HS3ST5: variants seen among roughly 807,000 people sequenced by gnomAD.
HS3ST5 encodes the protein heparan sulfate-glucosamine 3-sulfotransferase 5, also known as heparan sulfate glucosamine 3-O-sulfotransferase 5.
In HS3ST5, 10 loss-of-function variants were observed where a neutral mutation model predicts 25.4. That is an observed-to-expected ratio of 0.39 (90% CI 0.24 to 0.67). The LOEUF (loss-of-function observed/expected upper bound fraction) is 0.67. HS3ST5 is among the 30% of genes least tolerant of loss of function. The probability of loss-of-function intolerance (pLI) is 0.44; values close to 1 mark genes in which losing one functional copy is unlikely to be tolerated. For synonymous variants in HS3ST5, 170 were observed against 162.4 expected, an observed-to-expected ratio of 1.05 and a Z score of -0.36; for missense variants, 324 against 420.7, an observed-to-expected ratio of 0.77 and a Z score of 2.01.
chr6:114,062,985 G>C (rs991160104), intron 3 of HS3ST5, 108 bp from the exon 4 acceptor site: 15 of 610,596 alleles, frequency 2.5e-5, no homozygotes, highest in Non-Finnish European at 2.6e-5. Context: ...ACAAAGAGCA[G>C]ATCCCATACC....
intron 3 of HS3ST5, among the ~76,000 whole-genome samples, chr6:114,149,402 TA>T (rs1267601065): frequency 2.0e-5 from 3 of 152,084 alleles, no homozygotes; most frequent in African/African-American, 2.4e-5. Flanking sequence ...TATGCAGCCA[TA>T]AAAAAGGATG....
chr6:114,288,015 G>A (rs1236059710), intron 1 of HS3ST5, among the ~76,000 whole-genome samples: 1 of 151,900 alleles, frequency 6.6e-6, no homozygotes, highest in Non-Finnish European at 1.5e-5. Context: ...ATATCCACTC[G>A]CATATACGCT....
chr6:114,255,812 T>C (rs1287921810), intron 1 of HS3ST5, among the ~76,000 whole-genome samples: 2 of 152,156 alleles, frequency 1.3e-5, no homozygotes, highest in Non-Finnish European at 1.5e-5. Flanking sequence ...ACCAAGTCTC[T>C]AGGCTGCACA....
At chr6:114,108,973 G>T (rs1182859626) in intron 3 of HS3ST5, among the ~76,000 whole-genome samples, 1 of 152,040 alleles carries the variant, frequency 6.6e-6, no homozygotes, top group Non-Finnish European at 1.5e-5. Flanking sequence ...GACCAGCCTG[G>T]GCAACATGGC....
At chr6:114,085,433 GA>G in intron 3 of HS3ST5, among the ~76,000 whole-genome samples, 1 of 152,308 alleles carries the variant, frequency 6.6e-6, no homozygotes, top group East Asian at 1.9e-4. Flanking sequence ...AATCCTCAGA[GA>G]ATTCCATTCT....
chr6:114,250,109 C>T (rs567260648), intron 1 of HS3ST5, among the ~76,000 whole-genome samples: 2 of 152,166 alleles, frequency 1.3e-5, no homozygotes, highest in African/African-American at 4.8e-5. Context: ...CTAAGTACTT[C>T]TCTGAAAGTA....
At chr6:114,336,444 C>T (rs944092211) in intron 1 of HS3ST5, among the ~76,000 whole-genome samples, 1 of 152,128 alleles carries the variant, frequency 6.6e-6, no homozygotes, top group Non-Finnish European at 1.5e-5. Flanking sequence ...CCTGTCTCTA[C>T]TAAAAATACA....
chr6:114,183,464 C>T (rs1006940620), intron 2 of HS3ST5, among the ~76,000 whole-genome samples: 1 of 152,152 alleles, frequency 6.6e-6, no homozygotes, highest in African/African-American at 2.4e-5. Flanking sequence ...TTGTAAATTG[C>T]CCAGTCTCAG....
At chr6:114,302,438 C>T (rs942114321) in intron 1 of HS3ST5, among the ~76,000 whole-genome samples, 10 of 152,112 alleles carry the variant, frequency 6.6e-5, no homozygotes, top group South Asian at 2.1e-4. Context: ...TATCCAAGCA[C>T]ATATGCAAAA....
intron 1 of HS3ST5, among the ~76,000 whole-genome samples, chr6:114,266,380 A>G (rs1773405867): frequency 6.6e-6 from 1 of 152,226 alleles, no homozygotes; most frequent in African/African-American, 2.4e-5. Flanking sequence ...AATTTAAGAT[A>G]AAATTATATA....
intron 1 of HS3ST5, among the ~76,000 whole-genome samples, chr6:114,256,755 T>C (rs1207421055): frequency 6.6e-6 from 1 of 152,208 alleles, no homozygotes; most frequent in Non-Finnish European, 1.5e-5. Context: ...TGTTCCAACC[T>C]CTGCCTGTTA....
At chr6:114,337,380 C>G (rs1447722442) in intron 1 of HS3ST5, among the ~76,000 whole-genome samples, 1 of 152,172 alleles carries the variant, frequency 6.6e-6, no homozygotes, top group African/African-American at 2.4e-5. Context: ...CTATAAAACT[C>G]AGATTCCTTT....
At chr6:114,090,126 C>T (rs775590843) in intron 3 of HS3ST5, among the ~76,000 whole-genome samples, 3 of 152,182 alleles carry the variant, frequency 2.0e-5, no homozygotes, top group South Asian at 2.1e-4. Flanking sequence ...TAATGGAAGG[C>T]GAAAATAATG....
At chr6:114,318,071 A>T (rs539100087) in intron 1 of HS3ST5, among the ~76,000 whole-genome samples, 1 of 152,242 alleles carries the variant, frequency 6.6e-6, no homozygotes, top group East Asian at 1.9e-4. Context: ...GTGTGAGCAG[A>T]TGCCACCCAA....
intron 3 of HS3ST5, among the ~76,000 whole-genome samples, chr6:114,067,399 G>A (rs1773516632): frequency 1.3e-5 from 2 of 152,088 alleles, no homozygotes; most frequent in Non-Finnish European, 2.9e-5. Context: ...AAACATGACA[G>A]AATGTGAAGC....
At chr6:114,302,731 G>A (rs562437653) in intron 1 of HS3ST5, among the ~76,000 whole-genome samples, 4 of 152,138 alleles carry the variant, frequency 2.6e-5, no homozygotes, top group East Asian at 1.9e-4. Flanking sequence ...GCATCCTTAC[G>A]GGACATCTTT....
At chr6:114,178,201 A>G (rs1779810504) in intron 2 of HS3ST5, among the ~76,000 whole-genome samples, 1 of 152,152 alleles carries the variant, frequency 6.6e-6, no homozygotes, top group Non-Finnish European at 1.5e-5. Context: ...AAAATCAGGC[A>G]TATTTCTAAA....
At chr6:114,306,505 T>A (rs1218713658) in intron 1 of HS3ST5, among the ~76,000 whole-genome samples, 1 of 151,790 alleles carries the variant, frequency 6.6e-6, no homozygotes, top group African/African-American at 2.4e-5. Context: ...AAAACATTGT[T>A]TTTTAGTGCT....
At chr6:114,291,768 CA>C (rs1774588785) in intron 1 of HS3ST5, among the ~76,000 whole-genome samples, 1 of 152,108 alleles carries the variant, frequency 6.6e-6, no homozygotes, top group Non-Finnish European at 1.5e-5. Context: ...TAAATAAAGG[CA>C]AAAAGAGCTT....
Sources: allele counts gnomAD v4.1 joint callset (sites outside exome capture counted in the v4.1 genomes callset), GRCh38; gene constraint gnomAD v4.1.1; transcripts MANE v1.5; gene names NCBI Gene and HGNC (gene_info 2026-07-23, HGNC 2026-07-21).